BRWD1: variants seen among roughly 807,000 people sequenced by gnomAD.
The protein encoded by BRWD1 is bromodomain and WD repeat-containing protein 1.
BRWD1 carries 82 observed loss-of-function variants against 251.2 expected under a neutral mutation model. That is an observed-to-expected ratio of 0.33 (90% CI 0.27 to 0.39). The LOEUF (loss-of-function observed/expected upper bound fraction) is 0.39. BRWD1 is among the 10% of genes least tolerant of loss of function. BRWD1 has a pLI of 1.00. For synonymous variants in BRWD1, 918 were observed against 902.8 expected (o/e 1.02, Z -0.30); for missense variants, 2,233 against 2,711.6 (o/e 0.82, Z 3.92).
At chr21:39,288,819 T>A (rs1043234959) in intron 8 of BRWD1, among the ~76,000 whole-genome samples, 1 of 152,296 alleles carries the variant, frequency 6.6e-6, no homozygotes, top group South Asian at 2.1e-4. Context: ...TGTCTTCATG[T>A]TGAATAGGCT....
At chr21:39,247,254 G>A (rs766278750) in intron 21 of BRWD1, among the ~76,000 whole-genome samples, 9 of 152,110 alleles carry the variant, frequency 5.9e-5, no homozygotes, top group African/African-American at 1.2e-4. Flanking sequence ...TAGAGGTGAC[G>A]ATGGCCCAAC....
intron 39 of BRWD1, 65 bp downstream of exon 39, chr21:39,200,154 A>G (rs2032036405): frequency 1.4e-6 from 2 of 1,407,720 alleles, no homozygotes; most frequent in South Asian, 1.4e-5. Flanking sequence ...TCGAGAATCT[A>G]TTCAATTTAT....
chr21:39,269,842 C>A (rs2035044312), intron 15 of BRWD1, 57 bp downstream of exon 15: 1 of 1,366,062 alleles, frequency 7.3e-7, no homozygotes. Context: ...GCCGCATAAC[C>A]CAAATACTCT....
chr21:39,205,973 G>T, intron 37 of BRWD1, 135 bp downstream of exon 37: 3 of 789,646 alleles, frequency 3.8e-6, no homozygotes, highest in Non-Finnish European at 4.0e-6. Flanking sequence ...CCAGCTACTT[G>T]GGAGGCTGAG....
intron 37 of BRWD1, among the ~76,000 whole-genome samples, chr21:39,204,813 C>T (rs2032312294): frequency 6.6e-6 from 1 of 152,050 alleles, no homozygotes; most frequent in African/African-American, 2.4e-5. Flanking sequence ...CATGCAGTTA[C>T]AAAAAGGTTC....
chr21:39,218,788 T>C (rs1026333326), intron 29 of BRWD1, 128 bp from the exon 30 acceptor site: 4 of 687,838 alleles, frequency 5.8e-6, no homozygotes, highest in Non-Finnish European at 8.6e-6. Context: ...AGAGTTCAAA[T>C]GTGCAACTCT....
Position 39,186,836 on chromosome 21 carries a change from T to G in BRWD1, c.*9423A>C. ...CCTACAGACTCTGCAATTTATTTCC[T>G]CCTCAGAATTCCCCAGAGCACATGT... On this transcript the variant is annotated 3_prime_UTR_variant, in exon 41 of 41. Transcript: ENST00000342449. 1 of 918,052 alleles carries G rather than the reference T, an allele frequency of 1.1e-6. No individual in the cohort carries two copies. The highest frequency in any genetic ancestry group is 3.2e-5 in the East Asian group (1 of 31,284). 56.9% of individuals were successfully genotyped at this position (918,052 alleles called of 1,614,324 possible). A position where few individuals can be genotyped will look rare whatever the true frequency, so the allele number is the denominator to read the frequency against.
intron 34 of BRWD1, among the ~76,000 whole-genome samples, chr21:39,212,300 A>G (rs1304559414): frequency 6.6e-6 from 1 of 152,144 alleles, no homozygotes; most frequent in Non-Finnish European, 1.5e-5. Context: ...TATCACCATA[A>G]TCTACCCCAA....
upstream of BRWD1, chr21:39,313,935 C>T (rs1289930383): frequency 1.5e-5 from 5 of 335,354 alleles, no homozygotes; most frequent in African/African-American, 2.3e-5. Context: ...GGCCCAGCAG[C>T]GGGCGGGTGC....
chr21:39,189,395 T>C lies in BRWD1; in HGVS notation c.*6864A>G, dbSNP rs1299684618. On this transcript the variant is annotated 3_prime_UTR_variant, in exon 41 of 41. Coordinates refer to ENST00000342449, the MANE Select transcript of BRWD1 (RefSeq NM_033656.4). ...GTGATCAAAGTACCTATACTGACAA[T>C]TTAGGAACCTAGTAAATACTAATTC... The C allele has an allele frequency of 1.0e-6, 1 of 976,644 alleles. No homozygotes were observed. The highest frequency in any genetic ancestry group is 1.1e-4 in the East Asian group (1 of 8,778). 60.5% of individuals were successfully genotyped at this position (976,644 alleles called of 1,614,324 possible). A position where few individuals can be genotyped will look rare whatever the true frequency, so the allele number is the denominator to read the frequency against.
At chr21:39,239,674 G>A (rs554672482) in intron 21 of BRWD1, among the ~76,000 whole-genome samples, 26 of 152,182 alleles carry the variant, frequency 1.7e-4, no homozygotes, top group African/African-American at 5.8e-4. Context: ...ATATAAACTC[G>A]AAAAATCAGT....
upstream of BRWD1, among the ~76,000 whole-genome samples, chr21:39,317,655 T>C (rs2036711864): frequency 6.6e-6 from 1 of 152,258 alleles, no homozygotes; most frequent in Non-Finnish European, 1.5e-5. Context: ...ATTGCACAGC[T>C]AGCGCATCAG....
In BRWD1 at chr21:39,247,663, T is replaced by C. The variant is rs202032053; in HGVS notation, c.2481+38A>G. On this transcript the variant is annotated intron_variant, in intron 21 of 40. Coordinates refer to ENST00000342449, the MANE Select transcript of BRWD1 (RefSeq NM_033656.4). ...AGTAAAGAATTAAGCCAAATTCATT[T>C]AAGATTATCTTATAACATTTTAAAG... 5.0e-5 allele frequency: 79 copies of C among 1,564,762 alleles called. 1 individual carries two copies. The East Asian group carries it at 1.5e-3, about 30-fold the overall frequency.
chr21:39,295,829 G>A lies in BRWD1; in HGVS notation c.523C>T (p.His175Tyr), dbSNP rs1472467905. ...STAFPGTMYQHIKMHRRILGH... is the reference protein window; with the variant it reads ...STAFPGTMYQYIKMHRRILGH... The stretch of plus-strand genomic sequence containing the variant: ...AGAATCCTTCTGTGCATTTTTATAT[G>A]CTGATACATAGTTCCTGGAAATGCT... The change falls in exon 7 of 41, where the codon CAT becomes TAT. Residue 175 changes from histidine to tyrosine, a missense_variant. By Grantham distance (83) the His-to-Tyr change is moderately conservative. Coordinates refer to ENST00000342449, the MANE Select transcript of BRWD1 (RefSeq NM_033656.4). 7 of 1,611,654 alleles carry A rather than the reference G, an allele frequency of 4.3e-6. No homozygotes were observed. In the East Asian group the frequency reaches 1.6e-4, roughly 36 times the overall value.
At chr21:39,268,519 G>A (rs2034999064) in intron 15 of BRWD1, among the ~76,000 whole-genome samples, 1 of 150,170 alleles carries the variant, frequency 6.7e-6, no homozygotes, top group Non-Finnish European at 1.5e-5. Context: ...GATTCATGAA[G>A]GACACAATAT....
At chr21:39,296,192 A>G in intron 6 of BRWD1, 73 bp downstream of exon 6, 1 of 1,238,454 alleles carries the variant, frequency 8.1e-7, no homozygotes, top group South Asian at 1.8e-5. Flanking sequence ...AAATTTTAAT[A>G]CAGCATTTAT....
At chr21:39,233,644 C>T (rs2033704336) in intron 23 of BRWD1, among the ~76,000 whole-genome samples, 1 of 152,186 alleles carries the variant, frequency 6.6e-6, no homozygotes. Context: ...CAAAATAGAG[C>T]TTTCTCTTTA....
chr21:39,222,419 T>C (rs1400483951), intron 29 of BRWD1, among the ~76,000 whole-genome samples: 1 of 152,172 alleles, frequency 6.6e-6, no homozygotes, highest in Non-Finnish European at 1.5e-5. Context: ...ACTGCCTGAT[T>C]CCACAGCTGA....
At chr21:39,254,907 A>C (rs1428699379) in intron 19 of BRWD1, among the ~76,000 whole-genome samples, 1 of 152,216 alleles carries the variant, frequency 6.6e-6, no homozygotes, top group East Asian at 1.9e-4. Context: ...AAACAACTGG[A>C]AATTTAAACA....
Sources: gnomAD v4.1 joint callset for allele counts (sites outside exome capture counted in the v4.1 genomes callset) on GRCh38, gnomAD v4.1.1 for gene constraint, MANE v1.5 for transcripts, NCBI Gene and HGNC (gene_info 2026-07-23, HGNC 2026-07-21) for gene names.